The following PRRC1 variants were observed in gnomAD, a reference collection of about 807,000 sequenced individuals.
PRRC1 encodes protein PRRC1.
A neutral mutation model predicts 40.7 loss-of-function variants in PRRC1; 39 were observed. That is an observed-to-expected ratio of 0.96 (90% confidence interval 0.74 to 1.25). PRRC1 has a LOEUF of 1.25. PRRC1 is among the 50% of genes most tolerant of loss of function. The probability of loss-of-function intolerance (pLI) is 0.00; values close to 1 mark genes in which losing one functional copy is unlikely to be tolerated. For missense variants in PRRC1, 573 were observed against 548.3 expected, an observed-to-expected ratio of 1.05 and a Z score of -0.45; for synonymous variants, 175 against 193.3, an observed-to-expected ratio of 0.91 and a Z score of 0.79.
Position 127,544,984 on chromosome 5 carries a change from G to A in PRRC1, c.1026-2835G>A, listed in dbSNP as rs149603651. The stretch of plus-strand genomic sequence containing the variant: ...CCCGTCTTCTGCGTCGCTCACGCTG[G>A]GAGCTGTAGACAGGAGCTGTTCCTA... On this transcript the variant is annotated intron_variant, in intron 7 of 8. Coordinates refer to ENST00000296666, the MANE Select transcript of PRRC1 (RefSeq NM_130809.5). 2.5e-3 allele frequency among the ~76,000 whole-genome samples: 375 copies of A among 152,320 alleles called. 2 individuals are homozygous for A. Among genetic ancestry groups the A allele is most frequent in the Admixed American group, 3.9e-3 (59 of 15,306 alleles).
At chr5:127,519,655 A>C (rs1767406769) in intron 1 of PRRC1, among the ~76,000 whole-genome samples, 2 of 152,142 alleles carry the variant, frequency 1.3e-5, no homozygotes. Context: ...TTACTAAACC[A>C]ATAATTGGTT....
intron 6 of PRRC1, among the ~76,000 whole-genome samples, chr5:127,538,171 C>G (rs1330501085): frequency 1.3e-5 from 2 of 151,976 alleles, no homozygotes; most frequent in African/African-American, 4.8e-5. Context: ...ACAGTTGTCA[C>G]TTTCTCTTTT....
chr5:127,521,585 AAATTT>A (rs1338009882), intron 1 of PRRC1, among the ~76,000 whole-genome samples: 2 of 152,336 alleles, frequency 1.3e-5, no homozygotes, highest in African/African-American at 4.8e-5. Flanking sequence ...TGAGAAAATT[AAATTT>A]ATGTTCGAGT....
chr5:127,525,218 C>T (rs895311089), intron 3 of PRRC1, among the ~76,000 whole-genome samples: 1 of 152,164 alleles, frequency 6.6e-6, no homozygotes, highest in Non-Finnish European at 1.5e-5. Context: ...TTTGCTTATC[C>T]TGGTCATTTC....
intron 3 of PRRC1, among the ~76,000 whole-genome samples, chr5:127,525,355 A>C (rs1025029039): frequency 6.6e-6 from 1 of 152,198 alleles, no homozygotes; most frequent in Admixed American, 6.5e-5. Flanking sequence ...TCAGTACTTC[A>C]TTCCTTTTCA....
chr5:127,521,307 T>C (rs1561677730), intron 1 of PRRC1, among the ~76,000 whole-genome samples: 1 of 152,198 alleles, frequency 6.6e-6, no homozygotes, highest in Non-Finnish European at 1.5e-5. Context: ...TGCTCTGTTC[T>C]TAGTCATCCT....
Position 127,524,830 on chromosome 5 carries a change from G to T in PRRC1, c.403G>T (p.Val135Phe). 6.2e-7 allele frequency: 1 copy of T among 1,614,120 alleles called. No homozygotes were observed. The highest frequency in any genetic ancestry group is 8.5e-7 in the Non-Finnish European group (1 of 1,180,024). The change falls in exon 3 of 9, where the codon GTT becomes TTT. Residue 135 changes from valine (V) to phenylalanine (F), a missense_variant. Val to Phe is a conservative substitution (Grantham distance 50). Coordinates refer to ENST00000296666, the MANE Select transcript of PRRC1 (RefSeq NM_130809.5). ...GGGTCCTCCTATATCAGGATTTTCTGTTGGTTCAACTTATGACATTACAAG... is the reference window on the plus strand; with the variant it reads ...GGGTCCTCCTATATCAGGATTTTCTTTTGGTTCAACTTATGACATTACAAG... ...PSGPPISGFS[V>F]GSTYDITRGH... is the part of the protein sequence containing the mutation.
Position 127,530,370 on chromosome 5 carries a change from T to G in PRRC1, c.731T>G (p.Leu244Arg), listed in dbSNP as rs1767735581. The G allele has an allele frequency of 6.2e-7, 1 of 1,613,812 alleles. No individual in the cohort carries two copies. The highest frequency in any genetic ancestry group is 8.5e-7 in the Non-Finnish European group (1 of 1,179,872). The change falls in exon 5 of 9, where the codon CTG becomes CGG. Residue 244 changes from leucine (L) to arginine (R), a missense_variant. Coordinates refer to ENST00000296666, the MANE Select transcript of PRRC1 (RefSeq NM_130809.5). Reference sequence around the variant, plus strand: ...TCAGTAGAAAGCATGATTACAACGCTGGACCCTGGCATGGCTCCCTATATC... The same window carrying G: ...TCAGTAGAAAGCATGATTACAACGCGGGACCCTGGCATGGCTCCCTATATC... ...KHSVESMITT[L>R]DPGMAPYIKS...
Position 127,553,969 on chromosome 5 carries a change from C to CCTG in PRRC1, c.*2053_*2054insCTG. ...AGAGAAATACATGAACTGCTCTGGCCTCTCTGGTTCTGTTCTTGGCCCAGA... is the reference window on the plus strand; with the variant it reads ...AGAGAAATACATGAACTGCTCTGGCCCTGTCTCTGGTTCTGTTCTTGGCCCAGA... On this transcript the variant is annotated 3_prime_UTR_variant, in exon 9 of 9. Transcript: ENST00000296666. The CCTG allele has an allele frequency of 1.4e-6, 2 of 1,470,090 alleles. No homozygotes were observed. The highest frequency in any genetic ancestry group is 1.3e-5 in the South Asian group (1 of 78,778). 91.1% of individuals were successfully genotyped at this position (1,470,090 alleles called of 1,614,324 possible).
intron 6 of PRRC1, among the ~76,000 whole-genome samples, chr5:127,535,089 A>ATGGTTAGGG (rs1293918075): frequency 6.6e-6 from 1 of 152,136 alleles, no homozygotes; most frequent in Non-Finnish European, 1.5e-5. Flanking sequence ...GGGAGATACG[A>ATGGTTAGGG]TGGTTAGGAT....
At chr5:127,530,435 T>G (rs778583772) in intron 5 of PRRC1, 39 bp downstream of exon 5, 1 of 1,429,904 alleles carries the variant, frequency 7.0e-7, no homozygotes, top group Non-Finnish European at 9.8e-7. Context: ...CCATTTTTTT[T>G]TTAAGGGTAT....
At chr5:127,543,535 C>T (rs1363910396) in intron 7 of PRRC1, among the ~76,000 whole-genome samples, 1 of 152,156 alleles carries the variant, frequency 6.6e-6, no homozygotes, top group Non-Finnish European at 1.5e-5. Flanking sequence ...TTGGTCTTTT[C>T]ACATAGTCCC....
At chr5:127,523,386 C>T (rs1366402748) in intron 1 of PRRC1, 74 bp from the exon 2 acceptor site, 15 of 593,214 alleles carry the variant, frequency 2.5e-5, no homozygotes, top group Middle Eastern at 3.5e-4. Context: ...TTTTTTTAGT[C>T]GTTCTCTATT....
In PRRC1 at chr5:127,552,732, A is replaced by T; in HGVS notation, c.*816A>T. 1 of 984,016 alleles carries T rather than the reference A, an allele frequency of 1.0e-6. No individual in the cohort carries two copies. Among genetic ancestry groups the T allele is most frequent in the Non-Finnish European group, 1.2e-6 (1 of 828,300 alleles). The allele number at this position is 984,016 out of a possible 1,614,324, so 61.0% of individuals were successfully genotyped here. A position where few individuals can be genotyped will look rare whatever the true frequency, so the allele number is the denominator to read the frequency against. On this transcript the variant is annotated 3_prime_UTR_variant, in exon 9 of 9. Coordinates refer to ENST00000296666, the MANE Select transcript of PRRC1 (RefSeq NM_130809.5). Reference sequence around the variant, plus strand: ...CCAAGAATAAGCTCTGACAACAGCCATTGTTTCTGCTTCCACTCATATTCT... The same window carrying T: ...CCAAGAATAAGCTCTGACAACAGCCTTTGTTTCTGCTTCCACTCATATTCT...
chr5:127,545,739 C>G (rs1768199210), intron 7 of PRRC1, among the ~76,000 whole-genome samples: 1 of 151,594 alleles, frequency 6.6e-6, no homozygotes, highest in South Asian at 2.1e-4. Context: ...TGTAACTAAC[C>G]TGCACATTGT....
In PRRC1 at chr5:127,552,957, G is replaced by C. The variant is rs192276707; in HGVS notation, c.*1041G>C. On this transcript the variant is annotated 3_prime_UTR_variant, in exon 9 of 9. Coordinates refer to ENST00000296666, the MANE Select transcript of PRRC1 (RefSeq NM_130809.5). Reference sequence around the variant, plus strand: ...TTCAATCTAGTTTATTTAGTCTACTGTATTTCTATTTCGTGGAAGCCTTTT... The same window carrying C: ...TTCAATCTAGTTTATTTAGTCTACTCTATTTCTATTTCGTGGAAGCCTTTT... 2.3e-6 allele frequency: 2 copies of C among 864,604 alleles called. No homozygotes were observed. The highest frequency in any genetic ancestry group is 1.3e-4 in the East Asian group (1 of 7,876). 53.6% of individuals were successfully genotyped at this position (864,604 alleles called of 1,614,324 possible).
intron 1 of PRRC1, among the ~76,000 whole-genome samples, chr5:127,519,372 A>G (rs1200850645): frequency 6.6e-6 from 1 of 152,218 alleles, no homozygotes; most frequent in Non-Finnish European, 1.5e-5. Flanking sequence ...ACTTTTTGAA[A>G]GTGTCATGCG....
rs1053991159 is a variant in PRRC1, at chr5:127,532,320, G to C, written c.758-1303G>C. On this transcript the variant is annotated intron_variant, in intron 5 of 8. Coordinates refer to ENST00000296666, the MANE Select transcript of PRRC1 (RefSeq NM_130809.5). ...GATGGGGTTTCACCATGTTGGCCAG[G>C]ATGATCTCGATCTCTTGACTTTTTG... 7.2e-5 allele frequency among the ~76,000 whole-genome samples: 11 copies of C among 152,080 alleles called. No homozygotes were observed. In the South Asian group the frequency reaches 1.0e-3, roughly 14 times the overall value.
At chr5:127,540,207 C>A (rs1768004066) in intron 7 of PRRC1, among the ~76,000 whole-genome samples, 1 of 152,002 alleles carries the variant, frequency 6.6e-6, no homozygotes, top group South Asian at 2.1e-4. Flanking sequence ...CACTGAGAAA[C>A]CGTCCAGTGA....
Sources: allele counts gnomAD v4.1 joint callset (sites outside exome capture counted in the v4.1 genomes callset), GRCh38; gene constraint gnomAD v4.1.1; transcripts MANE v1.5; gene names NCBI Gene and HGNC (gene_info 2026-07-23, HGNC 2026-07-21).